CADM2: variants seen among roughly 807,000 people sequenced by gnomAD.
CADM2 encodes the protein cell adhesion molecule 2.
A neutral mutation model predicts 49.8 loss-of-function variants in CADM2; 12 were observed. The ratio of observed to expected loss-of-function variants is 0.24; its 90% CI spans 0.15 to 0.39. The LOEUF is 0.39. CADM2 is among the 10% of genes least tolerant of loss of function. The pLI, the probability that CADM2 is intolerant of heterozygous loss-of-function variation, is 1.00. For missense variants in CADM2, 378 were observed against 492.3 expected, an observed-to-expected ratio of 0.77 and a Z score of 2.20; for synonymous variants, 214 against 175.4, an observed-to-expected ratio of 1.22 and a Z score of -1.74.
chr3:85,721,818 G>A (rs2067514808), intron 1 of CADM2, among the ~76,000 whole-genome samples: 1 of 152,220 alleles, frequency 6.6e-6, no homozygotes, highest in African/African-American at 2.4e-5. Context: ...AATGTGGCAA[G>A]CAAGGAGCAT....
At position 85,324,279 on chromosome 3, in the gene CADM2, T is replaced by C. The variant is rs578113361; in HGVS notation, c.61+364611T>C. 2.6e-5 allele frequency among the ~76,000 whole-genome samples: 4 copies of C among 152,322 alleles called. No homozygotes were observed. The East Asian group carries it at 7.7e-4, about 29-fold the overall frequency. ...TCTTCCTAATAGTATATAGGAATAC[T>C]GAAACTCAAAATGTTTAAATCATTT... On this transcript the variant is annotated intron_variant, in intron 1 of 9. Transcript: ENST00000383699.
chr3:85,957,255 T>A (rs77614163), intron 7 of CADM2, among the ~76,000 whole-genome samples: 120 of 151,858 alleles, frequency 7.9e-4, no homozygotes, highest in African/African-American at 2.9e-3. Context: ...AATTTGGCTT[T>A]TATTAAGGAT....
chr3:85,537,692 T>C (rs2061456130), intron 1 of CADM2, among the ~76,000 whole-genome samples: 1 of 152,104 alleles, frequency 6.6e-6, no homozygotes, highest in African/African-American at 2.4e-5. Flanking sequence ...TTCAGATTTG[T>C]GTAAAATAAC....
chr3:85,514,107 A>AT (rs903421742), intron 1 of CADM2, among the ~76,000 whole-genome samples: 2 of 151,920 alleles, frequency 1.3e-5, no homozygotes, highest in African/African-American at 2.4e-5. Flanking sequence ...ATCTAGAGTC[A>AT]TTTTTTTCAA....
intron 1 of CADM2, among the ~76,000 whole-genome samples, chr3:85,061,737 T>C (rs1369133014): frequency 1.3e-5 from 2 of 152,100 alleles, no homozygotes; most frequent in Non-Finnish European, 2.9e-5. Flanking sequence ...GTGAAAAACA[T>C]AGATACATAT....
chr3:85,423,710 T>C (rs1336143735), intron 1 of CADM2, among the ~76,000 whole-genome samples: 1 of 152,186 alleles, frequency 6.6e-6, no homozygotes, highest in Non-Finnish European at 1.5e-5. Context: ...CAGAGACTGA[T>C]GTGGTCCCTC....
At chr3:85,826,513 G>T (rs1240172663) in intron 3 of CADM2, among the ~76,000 whole-genome samples, 2 of 151,932 alleles carry the variant, frequency 1.3e-5, no homozygotes, top group Non-Finnish European at 2.9e-5. Flanking sequence ...AAATGACAGA[G>T]ATTGTTTTAA....
intron 3 of CADM2, among the ~76,000 whole-genome samples, chr3:85,882,186 C>T (rs73147153): frequency 0.056 from 8,449 of 150,570 alleles, 392 homozygotes; most frequent in Non-Finnish European, 0.079. Flanking sequence ...CCCGCCTCAC[C>T]CTCCACACAC....
At chr3:85,669,020 G>A (rs9834708) in intron 1 of CADM2, among the ~76,000 whole-genome samples, 26,739 of 151,940 alleles carry the variant, frequency 0.18, 2,952 homozygotes, top group Non-Finnish European at 0.24. Context: ...AATTTCACCT[G>A]ATAAAATGTA....
intron 3 of CADM2, among the ~76,000 whole-genome samples, chr3:85,882,763 G>A (rs1713000634): frequency 6.6e-6 from 1 of 152,130 alleles, no homozygotes. Context: ...ACCAATCAGA[G>A]CAAATTTAAA....
At chr3:85,918,063 T>A (rs1718605407) in intron 6 of CADM2, among the ~76,000 whole-genome samples, 1 of 151,928 alleles carries the variant, frequency 6.6e-6, no homozygotes, top group East Asian at 1.9e-4. Flanking sequence ...GCTTAGACGA[T>A]GGGGTTTTCT....
chr3:86,021,369 G>T (rs1183067841), intron 8 of CADM2, among the ~76,000 whole-genome samples: 1 of 151,974 alleles, frequency 6.6e-6, no homozygotes, highest in Non-Finnish European at 1.5e-5. Flanking sequence ...TAATTATGTT[G>T]CTTCCCGGAG....
chr3:85,321,091 C>CATATATAT (rs1227890094), intron 1 of CADM2, among the ~76,000 whole-genome samples: 1,107 of 64,706 alleles, frequency 0.017, 17 homozygotes, highest in East Asian at 0.033. Flanking sequence ...TAGATATATA[C>CATATATAT]ATATATATAT....
intron 1 of CADM2, among the ~76,000 whole-genome samples, chr3:85,344,267 G>A (rs1576384263): frequency 1.3e-5 from 2 of 151,866 alleles, no homozygotes; most frequent in South Asian, 4.1e-4. Flanking sequence ...TGTAGTCCCA[G>A]CTACTTGGGA....
Position 85,742,154 on chromosome 3 carries a change from T to C in CADM2, c.88+15606T>C, listed in dbSNP as rs1321603957. ...CAGGAGTTTTAAAATAAGTATATTG[T>C]TATTTTATTTTCCTCTTTAGAGGCT... On this transcript the variant is annotated intron_variant, in intron 2 of 9. Transcript: ENST00000383699. 3.3e-5 allele frequency among the ~76,000 whole-genome samples: 5 copies of C among 152,212 alleles called. No individual in the cohort carries two copies. In the East Asian group the frequency reaches 9.6e-4, roughly 29 times the overall value.
chr3:85,279,268 C>T (rs2043440249), intron 1 of CADM2, among the ~76,000 whole-genome samples: 1 of 151,478 alleles, frequency 6.6e-6, no homozygotes, highest in African/African-American at 2.4e-5. Flanking sequence ...AACCTTTCCA[C>T]AGAACAGATG....
At chr3:85,923,364 A>C (rs1719392415) in intron 6 of CADM2, among the ~76,000 whole-genome samples, 1 of 152,124 alleles carries the variant, frequency 6.6e-6, no homozygotes, top group Non-Finnish European at 1.5e-5. Context: ...CTAGAGTATC[A>C]AAAGTGAAAA....
intron 1 of CADM2, among the ~76,000 whole-genome samples, chr3:85,436,510 C>T (rs2036939071): frequency 6.6e-6 from 1 of 152,016 alleles, no homozygotes; most frequent in Admixed American, 6.6e-5. Flanking sequence ...GGGAACACTT[C>T]CAGTTTTTGC....
At chr3:85,206,973 C>A (rs543920111) in intron 1 of CADM2, among the ~76,000 whole-genome samples, 97 of 151,772 alleles carry the variant, frequency 6.4e-4, no homozygotes, top group Non-Finnish European at 1.2e-3. Context: ...AACCTCCCCC[C>A]CTTCAAAAAA....
Sources: gnomAD v4.1 joint callset for allele counts (sites outside exome capture counted in the v4.1 genomes callset) on GRCh38, gnomAD v4.1.1 for gene constraint, MANE v1.5 for transcripts, NCBI Gene and HGNC (gene_info 2026-07-23, HGNC 2026-07-21) for gene names.